Variants in RYR3 observed in about 807,000 individuals in gnomAD.
RYR3 encodes the protein ryanodine receptor 3.
Under a neutral mutation model 584.3 loss-of-function variants are expected in RYR3, and 207 were observed. The ratio of observed to expected loss-of-function variants is 0.35; its 90% CI spans 0.32 to 0.40. The LOEUF (loss-of-function observed/expected upper bound fraction) is 0.40. Ranked by LOEUF, RYR3 falls within the 10% of genes least tolerant of loss-of-function variation. The probability of loss-of-function intolerance (pLI) is 1.00; values close to 1 mark genes in which losing one functional copy is unlikely to be tolerated. For missense variants in RYR3, 5,616 were observed against 6,089.2 expected (o/e 0.92, Z 2.59); for synonymous variants, 2,416 against 2,248.5 (o/e 1.07, Z -2.11).
chr15:33,342,703 G>A (rs1021605069), intron 1 of RYR3, among the ~76,000 whole-genome samples: 2 of 152,074 alleles, frequency 1.3e-5, no homozygotes, highest in African/African-American at 4.8e-5. Context: ...GAAGCAAGAT[G>A]CTTCTCTTCA....
chr15:33,643,720 C>T (rs1215457780), intron 27 of RYR3, among the ~76,000 whole-genome samples: 1 of 152,194 alleles, frequency 6.6e-6, no homozygotes, highest in East Asian at 1.9e-4. Flanking sequence ...GGGCAACTTG[C>T]ACCAAGTCAT....
rs188423480 is a variant in RYR3, at chr15:33,343,499, C to T, written c.51+32403C>T. On this transcript the variant is annotated intron_variant, in intron 1 of 103. Coordinates refer to ENST00000634891, the MANE Select transcript of RYR3 (RefSeq NM_001036.6). Reference sequence around the variant, plus strand: ...CTATTTTATGCCTCCTCCCATCCCCCGCAGTTTGATTTCCCAGATGCTCTC... The same window carrying T: ...CTATTTTATGCCTCCTCCCATCCCCTGCAGTTTGATTTCCCAGATGCTCTC... Among the ~76,000 whole-genome samples, 19 of 152,210 alleles carry T rather than the reference C, an allele frequency of 1.2e-4. No homozygotes were observed. In the East Asian group the frequency reaches 1.9e-3, roughly 15 times the overall value.
intron 27 of RYR3, among the ~76,000 whole-genome samples, chr15:33,637,085 T>C (rs1338910925): frequency 6.6e-6 from 1 of 152,246 alleles, no homozygotes; most frequent in Non-Finnish European, 1.5e-5. Flanking sequence ...AGTTGCATTT[T>C]TTAATGTCCA....
intron 1 of RYR3, among the ~76,000 whole-genome samples, chr15:33,333,393 A>T (rs904922559): frequency 1.9e-4 from 29 of 152,356 alleles, no homozygotes; most frequent in Admixed American, 4.6e-4. Flanking sequence ...TGGTTTAACA[A>T]TGCAAATCAA....
chr15:33,522,102 A>AC (rs1203328529), intron 3 of RYR3, among the ~76,000 whole-genome samples: 2 of 150,614 alleles, frequency 1.3e-5, no homozygotes, highest in Non-Finnish European at 3.0e-5. Flanking sequence ...TAAAAAAAAA[A>AC]AAAAAAAAAA....
chr15:33,314,204 G>A (rs1485582725), intron 1 of RYR3, among the ~76,000 whole-genome samples: 1 of 152,164 alleles, frequency 6.6e-6, no homozygotes, highest in Non-Finnish European at 1.5e-5. Context: ...AGTCATGTAT[G>A]CCAGTTAGAA....
intron 32 of RYR3, among the ~76,000 whole-genome samples, chr15:33,656,859 T>C (rs1333041378): frequency 6.6e-6 from 1 of 152,176 alleles, no homozygotes; most frequent in African/African-American, 2.4e-5. Flanking sequence ...TTTTCCCTTC[T>C]TCCTCCAGCA....
intron 1 of RYR3, among the ~76,000 whole-genome samples, chr15:33,364,086 C>T (rs1014494117): frequency 6.6e-6 from 1 of 152,124 alleles, no homozygotes; most frequent in Non-Finnish European, 1.5e-5. Context: ...CTTATAATAT[C>T]TCATTAGTAA....
At chr15:33,730,926 G>A (rs11854331) in intron 47 of RYR3, among the ~76,000 whole-genome samples, 17,459 of 152,234 alleles carry the variant, frequency 0.11, 1,113 homozygotes, top group East Asian at 0.29. Context: ...ATTGCTCGAA[G>A]TGCTCACCAA....
At chr15:33,633,754 A>G (rs890424625) in intron 24 of RYR3, among the ~76,000 whole-genome samples, 1 of 152,042 alleles carries the variant, frequency 6.6e-6, no homozygotes, top group African/African-American at 2.4e-5. Flanking sequence ...TATCACTACA[A>G]TTGTCCCTAT....
chr15:33,707,578 C>A (rs1227689770), intron 43 of RYR3, among the ~76,000 whole-genome samples: 1 of 152,132 alleles, frequency 6.6e-6, no homozygotes, highest in Non-Finnish European at 1.5e-5. Flanking sequence ...TCCAACACAA[C>A]CAGAATTCTT....
chr15:33,535,284 T>C (rs945412979), intron 5 of RYR3, among the ~76,000 whole-genome samples: 4 of 152,240 alleles, frequency 2.6e-5, no homozygotes, highest in Admixed American at 2.6e-4. Context: ...CCGTGTGTAC[T>C]TGCTGTTTCC....
chr15:33,602,733 CTTTTTTTTTTTTTTT>C (rs10578832), intron 17 of RYR3, among the ~76,000 whole-genome samples: 1 of 75,200 alleles, frequency 1.3e-5, no homozygotes, highest in African/African-American at 5.7e-5. Flanking sequence ...TTTTTCTAGT[CTTTTTTTTTTTTTTT>C]TTTTTTTTTT....
chr15:33,592,647 C>T (rs973892057), intron 16 of RYR3, among the ~76,000 whole-genome samples: 1 of 152,182 alleles, frequency 6.6e-6, no homozygotes, highest in African/African-American at 2.4e-5. Context: ...GAATACTCAG[C>T]AATACCTGCC....
At chr15:33,836,082 C>G (rs745793386) in intron 87 of RYR3, among the ~76,000 whole-genome samples, 1 of 149,268 alleles carries the variant, frequency 6.7e-6, no homozygotes, top group Non-Finnish European at 1.5e-5. Context: ...AGTTGAAGGG[C>G]TAGGCAAAGA....
intron 18 of RYR3, among the ~76,000 whole-genome samples, chr15:33,612,890 A>G (rs577512751): frequency 6.6e-6 from 1 of 152,344 alleles, no homozygotes; most frequent in South Asian, 2.1e-4. Context: ...ACACTCATTG[A>G]GCACATTAAG....
At chr15:33,824,401 G>A (rs1044011041) in intron 81 of RYR3, among the ~76,000 whole-genome samples, 31 of 152,170 alleles carry the variant, frequency 2.0e-4, no homozygotes, top group Non-Finnish European at 4.6e-4. Context: ...GGGTATTTAG[G>A]AATGGAGTGA....
chr15:33,559,581 G>T (rs577524290), intron 10 of RYR3, among the ~76,000 whole-genome samples: 110 of 152,238 alleles, frequency 7.2e-4, no homozygotes, highest in Non-Finnish European at 1.2e-3. Flanking sequence ...TAGTTTGAGT[G>T]ATTTCAGGGG....
chr15:33,383,685 G>T (rs112606480), intron 1 of RYR3, among the ~76,000 whole-genome samples: 2,095 of 152,146 alleles, frequency 0.014, 47 homozygotes, highest in African/African-American at 0.047. Flanking sequence ...AGTATTTTTG[G>T]CCCATGCCCC....
Sources: allele counts gnomAD v4.1 joint callset (sites outside exome capture counted in the v4.1 genomes callset), GRCh38; gene constraint gnomAD v4.1.1; transcripts MANE v1.5; gene names NCBI Gene and HGNC (gene_info 2026-07-23, HGNC 2026-07-21).